Variants in FGF12 observed in about 807,000 individuals in gnomAD.
FGF12 encodes the protein fibroblast growth factor 12B.
FGF12 carries 14 observed loss-of-function variants against 23.6 expected under a neutral mutation model. That is an observed-to-expected ratio of 0.59 (90% CI 0.39 to 0.93). The LOEUF (loss-of-function observed/expected upper bound fraction) is 0.93. Among genes scored for constraint, FGF12 ranks in the 40% least tolerant of loss-of-function variants. The pLI is 0.00. For synonymous variants in FGF12, 62 were observed against 77.3 expected (o/e 0.80, Z 1.04); for missense variants, 175 against 217.8 (o/e 0.80, Z 1.24).
chr3:192,272,925 C>T (rs1053926426), intron 4 of FGF12, among the ~76,000 whole-genome samples: 1 of 152,136 alleles, frequency 6.6e-6, no homozygotes, highest in Non-Finnish European at 1.5e-5. Context: ...GAAAAAATGT[C>T]ATCTATCTCA....
At chr3:192,170,801 G>A in intron 4 of FGF12, 145 bp from the exon 5 acceptor site, 1 of 701,782 alleles carries the variant, frequency 1.4e-6, no homozygotes, top group Admixed American at 3.1e-5. Context: ...TTAGCCTTTG[G>A]TTACAAAGAT....
At chr3:192,303,494 T>G (rs1248971623) in intron 4 of FGF12, among the ~76,000 whole-genome samples, 1 of 152,220 alleles carries the variant, frequency 6.6e-6, no homozygotes, top group Non-Finnish European at 1.5e-5. Flanking sequence ...TGACATCTCA[T>G]TTATCTGGCA....
At chr3:192,186,554 T>A (rs921348729) in intron 4 of FGF12, among the ~76,000 whole-genome samples, 4 of 152,196 alleles carry the variant, frequency 2.6e-5, no homozygotes, top group African/African-American at 9.6e-5. Context: ...AATTTCTTCT[T>A]CAGATCATCA....
chr3:192,539,490 C>T (rs1459606825), intron 2 of FGF12, among the ~76,000 whole-genome samples: 1 of 152,086 alleles, frequency 6.6e-6, no homozygotes, highest in African/African-American at 2.4e-5. Flanking sequence ...TGGAATAAAT[C>T]CAACTTGGTC....
chr3:192,648,244 A>G (rs1013592099), intron 2 of FGF12, among the ~76,000 whole-genome samples: 1 of 152,138 alleles, frequency 6.6e-6, no homozygotes, highest in African/African-American at 2.4e-5. Context: ...AAAGTAAATA[A>G]TGGCATAAGA....
intron 4 of FGF12, among the ~76,000 whole-genome samples, chr3:192,212,891 A>G (rs994472487): frequency 6.6e-6 from 1 of 152,202 alleles, no homozygotes; most frequent in African/African-American, 2.4e-5. Context: ...CGTTAGCATC[A>G]GTGATGTGTA....
chr3:192,641,071 C>G (rs1715780381), intron 2 of FGF12, among the ~76,000 whole-genome samples: 1 of 150,742 alleles, frequency 6.6e-6, no homozygotes, highest in Admixed American at 6.6e-5. Context: ...ACTGGGACTA[C>G]AGTTGTGAGC....
chr3:192,365,940 G>T (rs564417709), intron 2 of FGF12, among the ~76,000 whole-genome samples: 6 of 147,184 alleles, frequency 4.1e-5, no homozygotes, highest in African/African-American at 1.5e-4. Context: ...TTTAGACGTG[G>T]AAAGGATCGA....
Position 192,493,991 on chromosome 3 carries a change from A to G in FGF12, c.14-133453T>C, listed in dbSNP as rs116693946. ...GGACACAGTTCTGACTCCTTGGATC[A>G]GAAGAGAATGACAGAACAGCACGTA... is the stretch of plus-strand genomic sequence containing the variant. On this transcript the variant is annotated intron_variant, in intron 2 of 5. Transcript: ENST00000445105. 3.0e-3 allele frequency among the ~76,000 whole-genome samples: 461 copies of G among 152,334 alleles called. 3 individuals carry two copies. The highest frequency in any genetic ancestry group is 0.011 in the African/African-American group (454 of 41,572).
chr3:192,537,563 A>G (rs1560143393), intron 2 of FGF12, among the ~76,000 whole-genome samples: 2 of 152,214 alleles, frequency 1.3e-5, no homozygotes, highest in Admixed American at 1.3e-4. Context: ...GATGCTGAGC[A>G]TATTGTTATA....
intron 2 of FGF12, among the ~76,000 whole-genome samples, chr3:192,528,620 A>G (rs758904385): frequency 3.9e-5 from 6 of 152,106 alleles, no homozygotes; most frequent in African/African-American, 1.2e-4. Flanking sequence ...TCCCTTCCAC[A>G]CTGCCCTAGC....
intron 2 of FGF12, chr3:192,672,929 T>G (rs1431498315): frequency 6.6e-6 from 1 of 150,686 alleles, no homozygotes; most frequent in Non-Finnish European, 1.5e-5. Context: ...GAGAAAAAAA[T>G]AAGGCATAAA....
intron 4 of FGF12, among the ~76,000 whole-genome samples, chr3:192,171,870 A>C (rs1254680355): frequency 7.1e-6 from 1 of 140,044 alleles, no homozygotes; most frequent in African/African-American, 2.6e-5. Context: ...TTATTTGTAG[A>C]GAGTGCTCTC....
At chr3:192,418,599 C>T (rs770456685) in intron 2 of FGF12, among the ~76,000 whole-genome samples, 1 of 152,078 alleles carries the variant, frequency 6.6e-6, no homozygotes, top group Non-Finnish European at 1.5e-5. Flanking sequence ...ATTGTAATCC[C>T]AGTGTTTGAG....
intron 4 of FGF12, among the ~76,000 whole-genome samples, chr3:192,270,873 T>C (rs1377032909): frequency 6.6e-6 from 1 of 151,634 alleles, no homozygotes; most frequent in Non-Finnish European, 1.5e-5. Context: ...GGGAAGAAAA[T>C]AGGGAGATAT....
At chr3:192,544,045 C>G (rs1431780793) in intron 2 of FGF12, among the ~76,000 whole-genome samples, 2 of 152,178 alleles carry the variant, frequency 1.3e-5, no homozygotes, top group South Asian at 4.1e-4. Flanking sequence ...CACATGCCCC[C>G]CAAGTTCACT....
chr3:192,605,288 G>A (rs1431737739), intron 2 of FGF12, among the ~76,000 whole-genome samples: 3 of 151,792 alleles, frequency 2.0e-5, no homozygotes, highest in Non-Finnish European at 2.9e-5. Flanking sequence ...GAGGCAGGCA[G>A]GAGAATCTCT....
chr3:192,377,403 T>C (rs1700891487), intron 2 of FGF12, among the ~76,000 whole-genome samples: 1 of 152,212 alleles, frequency 6.6e-6, no homozygotes, highest in African/African-American at 2.4e-5. Flanking sequence ...CATAGAGATT[T>C]CCCCTTTTTG....
intron 2 of FGF12, among the ~76,000 whole-genome samples, chr3:192,362,164 G>A (rs1008619538): frequency 6.6e-6 from 1 of 152,088 alleles, no homozygotes; most frequent in Non-Finnish European, 1.5e-5. Flanking sequence ...TTCCTCCATA[G>A]GCTCATCTAA....
Sources: allele counts gnomAD v4.1 joint callset (sites outside exome capture counted in the v4.1 genomes callset), GRCh38; gene constraint gnomAD v4.1.1; transcripts MANE v1.5; gene names NCBI Gene and HGNC (gene_info 2026-07-23, HGNC 2026-07-21).